RCAN2: variants seen among roughly 807,000 people sequenced by gnomAD.
RCAN2 encodes calcipressin-2.
RCAN2 carries 9 observed loss-of-function variants against 23.6 expected under a neutral mutation model. The ratio of observed to expected loss-of-function variants is 0.38; its 90% CI spans 0.23 to 0.67. RCAN2 has a LOEUF of 0.67. Ranked by LOEUF, RCAN2 falls within the 30% of genes least tolerant of loss-of-function variation. The pLI is 0.51. For synonymous variants in RCAN2, 109 were observed against 115.7 expected (o/e 0.94, Z 0.37); for missense variants, 273 against 302.3 (o/e 0.90, Z 0.72).
rs79105763 is a variant in RCAN2, at chr6:46,350,455, G to A, written c.226-101559C>T. 1.6e-3 allele frequency among the ~76,000 whole-genome samples: 240 copies of A among 152,294 alleles called. 1 individual carries two copies. Among genetic ancestry groups the A allele is most frequent in the African/African-American group, 5.5e-3 (228 of 41,562 alleles). On this transcript the variant is annotated intron_variant, in intron 2 of 4. Transcript: ENST00000371374. ...ACGAAGGCAGGTTCTCCTGGGTCAGGGGCAGGCAACCCCAATAACTGCATC... is the reference window on the plus strand; with the variant it reads ...ACGAAGGCAGGTTCTCCTGGGTCAGAGGCAGGCAACCCCAATAACTGCATC...
intron 2 of RCAN2, among the ~76,000 whole-genome samples, chr6:46,263,482 T>C (rs1423800368): frequency 7.0e-6 from 1 of 142,062 alleles, no homozygotes; most frequent in East Asian, 2.0e-4. Context: ...TGTATGTGTG[T>C]GTGTGTGTGT....
At chr6:46,439,726 ACTCACTTTCTCCTCCTCCTT>A (rs935661241) in intron 2 of RCAN2, among the ~76,000 whole-genome samples, 16 of 152,178 alleles carry the variant, frequency 1.1e-4, no homozygotes, top group African/African-American at 3.9e-4. Context: ...CCAAATGTAT[ACTCACTTTCTCCTCCTCCTT>A]CTAAATTATC....
chr6:46,256,722 A>C (rs1482543557), intron 2 of RCAN2, among the ~76,000 whole-genome samples: 2 of 152,190 alleles, frequency 1.3e-5, no homozygotes. Flanking sequence ...AGACTCAAAC[A>C]TGGCTTATAA....
chr6:46,386,245 T>C (rs1289542132), intron 2 of RCAN2, among the ~76,000 whole-genome samples: 1 of 151,992 alleles, frequency 6.6e-6, no homozygotes, highest in Non-Finnish European at 1.5e-5. Context: ...ACGACAGTTA[T>C]GCGGCCAACA....
chr6:46,407,236 G>A (rs1766429617), intron 2 of RCAN2, among the ~76,000 whole-genome samples: 1 of 152,206 alleles, frequency 6.6e-6, no homozygotes, highest in Non-Finnish European at 1.5e-5. Context: ...TTCCCTTTCA[G>A]GACCTTTGGT....
At chr6:46,385,199 C>T (rs182741489) in intron 2 of RCAN2, among the ~76,000 whole-genome samples, 44 of 152,308 alleles carry the variant, frequency 2.9e-4, no homozygotes, top group African/African-American at 9.6e-4. Flanking sequence ...ATATCAAATA[C>T]AGGAGGATGA....
intron 2 of RCAN2, among the ~76,000 whole-genome samples, chr6:46,296,061 A>C (rs1258634795): frequency 7.1e-6 from 1 of 140,102 alleles, no homozygotes; most frequent in African/African-American, 2.8e-5. Context: ...ACAGTCCAAT[A>C]GCTTCGTGTG....
chr6:46,356,170 G>A (rs944551496), intron 2 of RCAN2, among the ~76,000 whole-genome samples: 5 of 152,168 alleles, frequency 3.3e-5, no homozygotes, highest in Admixed American at 6.5e-5. Context: ...GAAGTGGAAC[G>A]CCTGGAAAAG....
chr6:46,283,226 A>T (rs1295241803), intron 2 of RCAN2, among the ~76,000 whole-genome samples: 1 of 152,158 alleles, frequency 6.6e-6, no homozygotes, highest in African/African-American at 2.4e-5. Context: ...AGGTAGGAGG[A>T]TCATTTGAGC....
intron 2 of RCAN2, among the ~76,000 whole-genome samples, chr6:46,377,149 G>C (rs1185651089): frequency 2.6e-5 from 4 of 152,164 alleles, no homozygotes; most frequent in Non-Finnish European, 4.4e-5. Context: ...TGGTGGAATG[G>C]ACATTCTCTT....
At chr6:46,426,509 G>A (rs1174081081) in intron 2 of RCAN2, among the ~76,000 whole-genome samples, 2 of 152,058 alleles carry the variant, frequency 1.3e-5, no homozygotes, top group African/African-American at 4.8e-5. Flanking sequence ...AATCTGCATG[G>A]GAAAATAGTA....
At chr6:46,350,106 T>C (rs1455501274) in intron 2 of RCAN2, among the ~76,000 whole-genome samples, 6 of 152,202 alleles carry the variant, frequency 3.9e-5, no homozygotes. Context: ...GTTTTCTCTC[T>C]TCAAATGTAA....
intron 2 of RCAN2, among the ~76,000 whole-genome samples, chr6:46,378,791 C>A (rs1765547712): frequency 6.6e-6 from 1 of 152,060 alleles, no homozygotes. Context: ...GACACTAAAC[C>A]CAGAACAGAA....
At chr6:46,480,984 T>C (rs1768843696) in intron 1 of RCAN2, among the ~76,000 whole-genome samples, 1 of 152,244 alleles carries the variant, frequency 6.6e-6, no homozygotes, top group African/African-American at 2.4e-5. Context: ...TTTGAAGGTG[T>C]TGATATCTTC....
intron 4 of RCAN2, among the ~76,000 whole-genome samples, chr6:46,237,673 T>G (rs975537411): frequency 2.6e-5 from 4 of 152,170 alleles, no homozygotes; most frequent in African/African-American, 4.8e-5. Context: ...CCAAAACACT[T>G]CTGGCCCCAA....
At chr6:46,477,602 C>G (rs1582234513) in intron 1 of RCAN2, among the ~76,000 whole-genome samples, 1 of 152,144 alleles carries the variant, frequency 6.6e-6, no homozygotes, top group Non-Finnish European at 1.5e-5. Context: ...AAAATAGGTT[C>G]TAGATAAGTT....
intron 2 of RCAN2, among the ~76,000 whole-genome samples, chr6:46,393,488 G>A (rs1223813853): frequency 1.3e-5 from 2 of 152,128 alleles, no homozygotes; most frequent in African/African-American, 4.8e-5. Context: ...CAGGGGAAAC[G>A]GTGGGATGAG....
At chr6:46,415,473 T>C (rs1238248787) in intron 2 of RCAN2, among the ~76,000 whole-genome samples, 1 of 152,174 alleles carries the variant, frequency 6.6e-6, no homozygotes, top group Admixed American at 6.5e-5. Flanking sequence ...CCTGTGAGCA[T>C]TCAGGCCTCA....
At chr6:46,250,081 T>C (rs1167866885) in intron 2 of RCAN2, among the ~76,000 whole-genome samples, 1 of 152,226 alleles carries the variant, frequency 6.6e-6, no homozygotes, top group Admixed American at 6.5e-5. Context: ...GTATGAGGCA[T>C]GGTCTCTCTC....
Sources: allele counts gnomAD v4.1 joint callset (sites outside exome capture counted in the v4.1 genomes callset), GRCh38; gene constraint gnomAD v4.1.1; transcripts MANE v1.5; gene names NCBI Gene and HGNC (gene_info 2026-07-23, HGNC 2026-07-21).